Variants in GLP1R observed in about 807,000 individuals in gnomAD.
GLP1R encodes the protein glucagon like peptide 1 receptor.
Under a neutral mutation model 68.4 loss-of-function variants are expected in GLP1R, and 32 were observed. The ratio of observed to expected loss-of-function variants is 0.47; its 90% CI spans 0.35 to 0.63. The LOEUF (loss-of-function observed/expected upper bound fraction) is 0.63, where lower values mean the gene tolerates loss of function less well. GLP1R is among the 20% of genes least tolerant of loss of function. GLP1R has a pLI of 0.00. For synonymous variants in GLP1R, 263 were observed against 244.4 expected, an observed-to-expected ratio of 1.08 and a Z score of -0.71; for missense variants, 502 against 594.9, an observed-to-expected ratio of 0.84 and a Z score of 1.62.
chr6:39,075,565 C>T (rs910810966), intron 7 of GLP1R, among the ~76,000 whole-genome samples: 6 of 151,964 alleles, frequency 3.9e-5, no homozygotes, highest in East Asian at 1.9e-4. Context: ...GCTCAGGGCT[C>T]GGGGTCTGTG....
chr6:39,066,440 G>A, intron 5 of GLP1R, 137 bp downstream of exon 5: 1 of 588,474 alleles, frequency 1.7e-6, no homozygotes. Context: ...ACAGAGCCCT[G>A]ACCGTAGAAT....
chr6:39,078,193 A>G, intron 7 of GLP1R, 129 bp from the exon 8 acceptor site: 5 of 713,138 alleles, frequency 7.0e-6, no homozygotes, highest in Non-Finnish European at 1.3e-5. Context: ...ACTAGAAAAC[A>G]TAGTTGGAGG....
rs10305476 is a variant in GLP1R at position 39,073,305 on chromosome 6, A to G, written c.663+290A>G. ...GGAGACACACTTGAGTTTGAATGTC[A>G]GCTCTGTCACTTACTATCTGTACAC... is the stretch of plus-strand genomic sequence containing the variant. On this transcript the variant is annotated intron_variant, in intron 6 of 12. Transcript: ENST00000373256. 8.3e-3 allele frequency among the ~76,000 whole-genome samples: 1,258 copies of G among 152,316 alleles called. 12 individuals are homozygous for G. The highest frequency in any genetic ancestry group is 0.024 in the Middle Eastern group (7 of 294).
In GLP1R at chr6:39,065,771, ACT is replaced by A; in HGVS notation, c.346_347del (p.Ser116GlnfsTer90). The A allele has an allele frequency of 6.3e-7, 1 of 1,593,470 alleles. No homozygotes were observed. Among genetic ancestry groups the A allele is most frequent in the Non-Finnish European group, 8.5e-7 (1 of 1,170,058 alleles). ...GAAGGCCTCTGGCTGCAGAAGGACA[ACT>A]CCAGCCTGCCCTGGAGGGACTTGTC... On this transcript the variant is annotated frameshift_variant, in exon 4 of 13. Coordinates refer to ENST00000373256, the MANE Select transcript of GLP1R (RefSeq NM_002062.5). LOFTEE classifies it high-confidence loss of function.
intron 5 of GLP1R, 25 bp downstream of exon 5, chr6:39,066,328 G>A: frequency 1.5e-6 from 2 of 1,327,276 alleles, no homozygotes; most frequent in Non-Finnish European, 1.1e-6. Context: ...ACCCTGGGAG[G>A]GGGCTGCTTC....
intron 12 of GLP1R, among the ~76,000 whole-genome samples, chr6:39,082,808 G>C (rs1364728259): frequency 6.6e-6 from 1 of 152,100 alleles, no homozygotes; most frequent in Non-Finnish European, 1.5e-5. Flanking sequence ...GAGGCCTGTA[G>C]GGAGAGACTG....
At chr6:39,053,304 C>T (rs1768131896) in intron 1 of GLP1R, among the ~76,000 whole-genome samples, 1 of 152,218 alleles carries the variant, frequency 6.6e-6, no homozygotes, top group Admixed American at 6.5e-5. Context: ...CACTGGTGGG[C>T]AGGGCCTTGC....
chr6:39,076,164 G>A (rs982781606), intron 7 of GLP1R, among the ~76,000 whole-genome samples: 8 of 152,200 alleles, frequency 5.3e-5, no homozygotes, highest in African/African-American at 1.9e-4. Flanking sequence ...ACAGCAGGGG[G>A]CGAGGGATAC....
intron 6 of GLP1R, 145 bp downstream of exon 6, chr6:39,073,160 C>A: frequency 1.4e-6 from 1 of 726,082 alleles, no homozygotes; most frequent in Non-Finnish European, 2.2e-6. Context: ...ATGGGAGAGG[C>A]AGTTCGCCTT....
intron 3 of GLP1R, among the ~76,000 whole-genome samples, chr6:39,062,134 C>T (rs1421553486): frequency 2.0e-5 from 3 of 152,236 alleles, no homozygotes; most frequent in African/African-American, 7.2e-5. Flanking sequence ...AGCTTGATTA[C>T]AGGCGCCGCA....
chr6:39,058,671 C>CATCATCAT (rs1554169079), intron 3 of GLP1R, among the ~76,000 whole-genome samples: 3 of 50,824 alleles, frequency 5.9e-5, no homozygotes, highest in East Asian at 8.7e-4. Context: ...ATCATCATCA[C>CATCATCAT]CATCACCATC....
chr6:39,055,997 C>T (rs2150821091), intron 1 of GLP1R, among the ~76,000 whole-genome samples: 1 of 152,234 alleles, frequency 6.6e-6, no homozygotes, highest in Admixed American at 6.5e-5. Context: ...TGCAAGAAGC[C>T]CTCAGGCAGG....
intron 3 of GLP1R, among the ~76,000 whole-genome samples, chr6:39,065,392 G>A (rs910166): frequency 0.081 from 12,377 of 152,252 alleles, 628 homozygotes; most frequent in Admixed American, 0.17. Context: ...CTAAACTCCT[G>A]TCATCTCAAA....
At chr6:39,074,782 C>T (rs1282478616) in intron 7 of GLP1R, among the ~76,000 whole-genome samples, 1 of 152,172 alleles carries the variant, frequency 6.6e-6, no homozygotes, top group African/African-American at 2.4e-5. Context: ...CAGGGAGCAT[C>T]CTTCCCACAC....
rs141603949 is a variant in GLP1R at position 39,088,005 on chromosome 6, C to T, written c.*1932C>T. 1.3e-3 allele frequency among the ~76,000 whole-genome samples: 196 copies of T among 152,302 alleles called. 2 individuals carry two copies. Among genetic ancestry groups the T allele is most frequent in the African/African-American group, 4.4e-3 (183 of 41,558 alleles). On this transcript the variant is annotated 3_prime_UTR_variant, in exon 13 of 13. Transcript: ENST00000373256. ...CTGAGGATTTTGAGAATCATTATTA[C>T]ATTACATAGCAACAAAGAAACAGAT... is the stretch of plus-strand genomic sequence containing the variant.
rs1768510670 is a variant in GLP1R at position 39,066,261 on chromosome 6, T to C, written c.467T>C (p.Phe156Ser). The change falls in exon 5 of 13, where the codon TTC becomes TCC. Residue 156 changes from phenylalanine (F) to serine (S), a missense_variant. Coordinates refer to ENST00000373256, the MANE Select transcript of GLP1R (RefSeq NM_002062.5). Reference protein sequence around the residue: ...IIYTVGYALSFSALVIASAIL... With the variant: ...IIYTVGYALSSSALVIASAIL... ...TACACGGTGGGCTACGCACTCTCCT[T>C]CTCTGCTCTGGTTATCGCCTCTGCG... 6.2e-7 allele frequency: 1 copy of C among 1,613,256 alleles called. No individual in the cohort carries two copies. Among genetic ancestry groups the C allele is most frequent in the South Asian group, 1.1e-5 (1 of 91,058 alleles).
intron 3 of GLP1R, among the ~76,000 whole-genome samples, chr6:39,063,147 C>G (rs1309474370): frequency 6.6e-6 from 1 of 152,166 alleles, no homozygotes; most frequent in Non-Finnish European, 1.5e-5. Context: ...CAACCTTCTT[C>G]CTTTCTCCCC....
chr6:39,053,820 G>A (rs1353289898), intron 1 of GLP1R, among the ~76,000 whole-genome samples: 1 of 152,040 alleles, frequency 6.6e-6, no homozygotes, highest in Non-Finnish European at 1.5e-5. Flanking sequence ...GCACTGGGTG[G>A]CCCTAGCCTC....
chr6:39,054,756 G>T (rs925009852), intron 1 of GLP1R, among the ~76,000 whole-genome samples: 1 of 152,030 alleles, frequency 6.6e-6, no homozygotes, highest in Non-Finnish European at 1.5e-5. Context: ...GGATTTCTCC[G>T]TCTCTCTGCC....
Sources: gnomAD v4.1 joint callset for allele counts (sites outside exome capture counted in the v4.1 genomes callset) on GRCh38, gnomAD v4.1.1 for gene constraint, MANE v1.5 for transcripts, NCBI Gene and HGNC (gene_info 2026-07-23, HGNC 2026-07-21) for gene names.